Variants in PKNOX2 observed in about 807,000 individuals in gnomAD.
The protein encoded by PKNOX2 is PBX/knotted 1 homeobox 2, also known as homeobox protein PKNOX2.
In PKNOX2, 14 loss-of-function variants were observed where a neutral mutation model predicts 53.1. The observed-to-expected ratio is 0.26, with a 90% confidence interval of 0.17 to 0.41. The LOEUF (loss-of-function observed/expected upper bound fraction) is 0.41, where lower values mean the gene tolerates loss of function less well. Among genes scored for constraint, PKNOX2 ranks in the 10% least tolerant of loss-of-function variants. The pLI is 1.00. For missense variants in PKNOX2, 496 were observed against 602.8 expected, an observed-to-expected ratio of 0.82 and a Z score of 1.85; for synonymous variants, 257 against 242.8, an observed-to-expected ratio of 1.06 and a Z score of -0.54.
At chr11:125,369,541 C>T (rs1006328279) in intron 5 of PKNOX2, among the ~76,000 whole-genome samples, 1 of 152,222 alleles carries the variant, frequency 6.6e-6, no homozygotes, top group Non-Finnish European at 1.5e-5. Context: ...TCCATCTCTC[C>T]AGGCACCGAT....
chr11:125,369,969 C>G (rs909058747), intron 5 of PKNOX2, among the ~76,000 whole-genome samples: 5 of 152,136 alleles, frequency 3.3e-5, no homozygotes, highest in African/African-American at 1.2e-4. Context: ...TCACTCAGGC[C>G]TAAGGACTCA....
intron 2 of PKNOX2, among the ~76,000 whole-genome samples, chr11:125,318,066 C>CT (rs1429560399): frequency 6.6e-6 from 1 of 152,110 alleles, no homozygotes; most frequent in African/African-American, 2.4e-5. Context: ...TAGTTTCTTT[C>CT]TTTAAACCTC....
chr11:125,275,867 T>C (rs978293124), intron 2 of PKNOX2, among the ~76,000 whole-genome samples: 1 of 151,948 alleles, frequency 6.6e-6, no homozygotes, highest in African/African-American at 2.4e-5. Flanking sequence ...AGAGGTTCAG[T>C]TGGAGATGGG....
chr11:125,420,028 A>C (rs1252738764), intron 10 of PKNOX2, among the ~76,000 whole-genome samples: 1 of 151,436 alleles, frequency 6.6e-6, no homozygotes, highest in East Asian at 1.9e-4. Flanking sequence ...TCTACTAAAA[A>C]TACAAAAAAA....
chr11:125,388,405 G>A (rs1591552469), intron 6 of PKNOX2, among the ~76,000 whole-genome samples: 1 of 152,086 alleles, frequency 6.6e-6, no homozygotes, highest in African/African-American at 2.4e-5. Flanking sequence ...GATATACTGC[G>A]CAGCCGAGCA....
chr11:125,286,877 A>C (rs1946938952), intron 2 of PKNOX2, among the ~76,000 whole-genome samples: 1 of 152,200 alleles, frequency 6.6e-6, no homozygotes, highest in Admixed American at 6.5e-5. Flanking sequence ...AGAACAGCGT[A>C]TGTTGTGAGT....
chr11:125,208,261 C>A (rs1277702920), intron 1 of PKNOX2, among the ~76,000 whole-genome samples: 4 of 151,994 alleles, frequency 2.6e-5, no homozygotes, highest in Non-Finnish European at 5.9e-5. Flanking sequence ...GTCATGGGAC[C>A]TGAAATACAC....
chr11:125,425,208 AAAAC>A (rs1264503938), intron 10 of PKNOX2, among the ~76,000 whole-genome samples: 8 of 152,198 alleles, frequency 5.3e-5, no homozygotes, highest in Non-Finnish European at 2.9e-5. Flanking sequence ...TGGAAGACAT[AAAAC>A]AAACAAAGGT....
chr11:125,299,045 G>A (rs1207945657), intron 2 of PKNOX2, among the ~76,000 whole-genome samples: 5 of 152,008 alleles, frequency 3.3e-5, no homozygotes, highest in Admixed American at 1.3e-4. Context: ...GCATCTTCTC[G>A]GGTTTGGGGA....
At chr11:125,424,465 C>T (rs1393042535) in intron 10 of PKNOX2, among the ~76,000 whole-genome samples, 1 of 151,392 alleles carries the variant, frequency 6.6e-6, no homozygotes, top group Admixed American at 6.6e-5. Context: ...GGCTGCCTTC[C>T]TCTGGGTCTC....
chr11:125,416,640 G>A (rs1320342172), intron 10 of PKNOX2, among the ~76,000 whole-genome samples: 1 of 152,080 alleles, frequency 6.6e-6, no homozygotes, highest in Non-Finnish European at 1.5e-5. Flanking sequence ...TAAGCAGGTA[G>A]TGTGGCTAAC....
chr11:125,217,938 T>C (rs1038794032), intron 1 of PKNOX2, among the ~76,000 whole-genome samples: 2 of 152,330 alleles, frequency 1.3e-5, no homozygotes, highest in African/African-American at 4.8e-5. Flanking sequence ...TAACCTCAAC[T>C]TTCTGTTGCA....
chr11:125,183,198 CTTTTTTTT>C (rs10676031), intron 1 of PKNOX2, among the ~76,000 whole-genome samples: 1 of 85,856 alleles, frequency 1.2e-5, no homozygotes, highest in Non-Finnish European at 2.2e-5. Flanking sequence ...GCGATGAATC[CTTTTTTTT>C]TTTTTTTTTT....
At chr11:125,273,859 A>G (rs1320867212) in intron 2 of PKNOX2, among the ~76,000 whole-genome samples, 4 of 152,190 alleles carry the variant, frequency 2.6e-5, no homozygotes, top group South Asian at 2.1e-4. Context: ...ATATTTGACT[A>G]CTGTTGAGCT....
chr11:125,241,629 G>A lies in PKNOX2; in HGVS notation c.-130+6514G>A, dbSNP rs183809631. Among the ~76,000 whole-genome samples the A allele has an allele frequency of 8.3e-3, 1,266 of 152,340 alleles. 13 individuals are homozygous for A. The highest frequency in any genetic ancestry group is 0.012 in the Non-Finnish European group (796 of 68,032). ...CCCAGCACTTTGGGAGGGCAAGGTGGGCAGATCACGAGGTCAGGAGTTCGA... is the reference window on the plus strand; with the variant it reads ...CCCAGCACTTTGGGAGGGCAAGGTGAGCAGATCACGAGGTCAGGAGTTCGA... On this transcript the variant is annotated intron_variant, in intron 2 of 12. Transcript: ENST00000298282.
chr11:125,236,221 T>C (rs528802987), intron 2 of PKNOX2, among the ~76,000 whole-genome samples: 1 of 152,266 alleles, frequency 6.6e-6, no homozygotes, highest in East Asian at 1.9e-4. Flanking sequence ...TCCCGCCTAA[T>C]GGCCTGCGAT....
intron 1 of PKNOX2, among the ~76,000 whole-genome samples, chr11:125,182,885 C>G (rs990337128): frequency 3.3e-5 from 5 of 152,204 alleles, no homozygotes; most frequent in Non-Finnish European, 7.3e-5. Flanking sequence ...GGCCAGAATC[C>G]TGGGGCTTTA....
chr11:125,314,482 T>C (rs947022845), intron 2 of PKNOX2, among the ~76,000 whole-genome samples: 1 of 152,100 alleles, frequency 6.6e-6, no homozygotes, highest in African/African-American at 2.4e-5. Context: ...CCTGGGAGCA[T>C]GCTGCTTCCC....
At chr11:125,181,918 C>T (rs1458984963) in intron 1 of PKNOX2, among the ~76,000 whole-genome samples, 1 of 152,140 alleles carries the variant, frequency 6.6e-6, no homozygotes, top group Non-Finnish European at 1.5e-5. Context: ...CTCTGTCCAC[C>T]TCCCGAAATT....
Sources: gnomAD v4.1 joint callset for allele counts (sites outside exome capture counted in the v4.1 genomes callset) on GRCh38, gnomAD v4.1.1 for gene constraint, MANE v1.5 for transcripts, NCBI Gene and HGNC (gene_info 2026-07-23, HGNC 2026-07-21) for gene names.